TBL1Y: variants seen among roughly 807,000 people sequenced by gnomAD.
The protein encoded by TBL1Y is transducin beta like 1 Y-linked.
Under a neutral mutation model 12.0 loss-of-function variants are expected in TBL1Y, and 15 were observed. The ratio of observed to expected loss-of-function variants is 1.25; its 90% confidence interval spans 0.83 to 1.92. The LOEUF (loss-of-function observed/expected upper bound fraction) is 1.92. Among genes scored for constraint, TBL1Y ranks in the 40% most tolerant of loss-of-function variants. The pLI is 0.00. For synonymous variants in TBL1Y, 53 were observed against 42.6 expected (o/e 1.24, Z -0.95); for missense variants, 148 against 116.7 (o/e 1.27, Z -1.24).
chrY:6,937,099 C>T lies in TBL1Y; in HGVS notation c.-266+24927C>T. ...CATTAAGACATTACTGCCACTTCCC[C>T]TTCTCCTGTGCTCCCTGGTAACCCT... On this transcript the variant is annotated intron_variant, in intron 2 of 18. Transcript: ENST00000383032. 8.9e-5 allele frequency among the ~76,000 whole-genome samples: 3 copies of T among 33,672 alleles called. No homozygotes were observed. The South Asian group carries it at 2.1e-3, about 23-fold the overall frequency. The allele number at this position is 33,672 out of a possible 37,273, so 90.3% of individuals were successfully genotyped here.
intron 6 of TBL1Y, among the ~76,000 whole-genome samples, chrY:7,040,551 C>T: frequency 2.1e-4 from 7 of 34,044 alleles, no homozygotes; most frequent in Admixed American, 1.6e-3. Flanking sequence ...CTGAGTTGCA[C>T]CCAGGCTGAC....
intron 2 of TBL1Y, among the ~76,000 whole-genome samples, chrY:6,925,593 A>G: frequency 9.2e-5 from 3 of 32,446 alleles, no homozygotes; most frequent in Admixed American, 8.4e-4. Flanking sequence ...TAATTTTTGT[A>G]TTTTTATCAG....
chrY:7,026,700 C>T (rs113576628), intron 6 of TBL1Y, among the ~76,000 whole-genome samples: 3 of 33,760 alleles, frequency 8.9e-5, no homozygotes, highest in African/African-American at 3.5e-4. Flanking sequence ...CCAGAAAGAT[C>T]GTCTTCCTTA....
chrY:6,933,530 G>A (rs1012485218), intron 2 of TBL1Y, among the ~76,000 whole-genome samples: 4 of 33,329 alleles, frequency 1.2e-4, no homozygotes, highest in Non-Finnish European at 2.9e-4. Context: ...AAGAAGGTGG[G>A]AAATGAGCTA....
intron 5 of TBL1Y, among the ~76,000 whole-genome samples, chrY:7,022,996 T>C (rs767020231): frequency 3.4e-5 from 1 of 29,377 alleles, no homozygotes; most frequent in East Asian, 8.8e-4. Flanking sequence ...TTAATTTCAG[T>C]ACTTTGGGAA....
rs762271041 is a variant in TBL1Y at position 7,064,154 on chromosome Y, G to C, written c.457+5G>C. On this transcript the variant is annotated splice_donor_5th_base_variant and intron_variant, in intron 8 of 18. Coordinates refer to ENST00000383032, the MANE Select transcript of TBL1Y (RefSeq NM_033284.2). The stretch of plus-strand genomic sequence containing the variant: ...AGAATGGAGCACATGAAATCAGTGA[G>C]TGCGCAGGCTCTGGAAGTTTGGTGG... 12 of 396,325 alleles carry C rather than the reference G, an allele frequency of 3.0e-5. No individual in the cohort carries two copies. Among genetic ancestry groups the C allele is most frequent in the East Asian group, 2.8e-4 (3 of 10,740 alleles).
chrY:6,916,075 T>C (rs2011732089), intron 2 of TBL1Y, among the ~76,000 whole-genome samples: 2 of 33,622 alleles, frequency 5.9e-5, no homozygotes, highest in South Asian at 6.7e-4. Context: ...TTTTTTCTAA[T>C]TGGAAAGGTA....
At chrY:7,001,199 C>G (rs1475343588) in intron 4 of TBL1Y, among the ~76,000 whole-genome samples, 1 of 32,500 alleles carries the variant, frequency 3.1e-5, no homozygotes, top group Non-Finnish European at 7.5e-5. Flanking sequence ...GAGAGGGCAC[C>G]GAGGTGTGAG....
intron 6 of TBL1Y, among the ~76,000 whole-genome samples, chrY:7,028,407 C>A: frequency 2.9e-5 from 1 of 33,924 alleles, no homozygotes; most frequent in Non-Finnish European, 7.3e-5. Flanking sequence ...CAGGAAGGAG[C>A]CTCAAAAATG....
intron 2 of TBL1Y, among the ~76,000 whole-genome samples, chrY:6,933,846 A>C (rs1327707411): frequency 5.9e-5 from 2 of 33,699 alleles, no homozygotes; most frequent in Non-Finnish European, 7.4e-5. Context: ...CAGCTCCAAA[A>C]GGTCAGCACT....
intron 2 of TBL1Y, among the ~76,000 whole-genome samples, chrY:6,973,881 A>T: frequency 3.0e-5 from 1 of 33,491 alleles, no homozygotes; most frequent in African/African-American, 1.2e-4. Context: ...ACTCCAACAG[A>T]TACTTCCACC....
intron 6 of TBL1Y, among the ~76,000 whole-genome samples, chrY:7,026,752 G>T (rs766004297): frequency 2.9e-5 from 1 of 33,946 alleles, no homozygotes; most frequent in South Asian, 6.7e-4. Context: ...AGGCAGTTGA[G>T]ATGGAGAGCT....
intron 8 of TBL1Y, 129 bp downstream of exon 8, chrY:7,064,278 G>A: frequency 2.8e-5 from 6 of 214,138 alleles, no homozygotes; most frequent in African/African-American, 7.8e-5. Flanking sequence ...GCTCTTTATT[G>A]TTTGCTTTCA....
intron 2 of TBL1Y, among the ~76,000 whole-genome samples, chrY:6,931,593 T>G: frequency 2.9e-5 from 1 of 34,029 alleles, no homozygotes; most frequent in African/African-American, 1.1e-4. Flanking sequence ...AAATTTGAAG[T>G]CAGCAAAATT....
chrY:7,024,978 C>A, intron 5 of TBL1Y, 57 bp from the exon 6 acceptor site: 1 of 253,210 alleles, frequency 3.9e-6, no homozygotes, highest in Non-Finnish European at 6.2e-6. Context: ...ACCTCACACA[C>A]AAAAAAAAGA....
intron 4 of TBL1Y, among the ~76,000 whole-genome samples, chrY:7,020,298 G>A (rs2012574924): frequency 3.0e-5 from 1 of 33,371 alleles, no homozygotes; most frequent in Non-Finnish European, 7.4e-5. Flanking sequence ...CTCTCTAGGC[G>A]GGTGGCCAGG....
At chrY:6,996,427 G>A (rs1024947871) in intron 4 of TBL1Y, among the ~76,000 whole-genome samples, 1 of 33,281 alleles carries the variant, frequency 3.0e-5, no homozygotes, top group Non-Finnish European at 7.4e-5. Flanking sequence ...AGTTCTTGCC[G>A]GGCATGGTGG....
chrY:7,062,933 C>A (rs544760695), intron 7 of TBL1Y, among the ~76,000 whole-genome samples: 4 of 34,097 alleles, frequency 1.2e-4, no homozygotes, highest in Admixed American at 5.2e-4. Flanking sequence ...TTTACCAGCT[C>A]CCCTGGCTTT....
chrY:7,041,815 A>C, intron 6 of TBL1Y, among the ~76,000 whole-genome samples: 1 of 32,498 alleles, frequency 3.1e-5, no homozygotes, highest in African/African-American at 1.2e-4. Context: ...CATCGCCCCT[A>C]GACTTCCACA....
Sources: gnomAD v4.1 joint callset for allele counts (sites outside exome capture counted in the v4.1 genomes callset) on GRCh38, gnomAD v4.1.1 for gene constraint, MANE v1.5 for transcripts, NCBI Gene and HGNC (gene_info 2026-07-23, HGNC 2026-07-21) for gene names.